The following TMEM273 variants were observed in gnomAD, a reference collection of about 807,000 sequenced individuals.
TMEM273 encodes the protein transmembrane protein 273.
A neutral mutation model predicts 17.9 loss-of-function variants in TMEM273; 19 were observed. The ratio of observed to expected loss-of-function variants is 1.06; its 90% CI spans 0.74 to 1.55. The LOEUF is 1.55. Ranked by LOEUF, TMEM273 falls within the 40% of genes most tolerant of loss-of-function variation. TMEM273 has a pLI of 0.00. For missense variants in TMEM273, 194 were observed against 155.6 expected, an observed-to-expected ratio of 1.25 and a Z score of -1.31; for synonymous variants, 66 against 62.0, an observed-to-expected ratio of 1.07 and a Z score of -0.31.
rs561431694 is a variant in TMEM273 at position 49,170,473 on chromosome 10, T to C, written c.44-2511A>G. Among the ~76,000 whole-genome samples the C allele has an allele frequency of 2.6e-5, 4 of 152,302 alleles. No homozygotes were observed. In the East Asian group the frequency reaches 7.7e-4, roughly 29 times the overall value. On this transcript the variant is annotated intron_variant, in intron 1 of 6. Transcript: ENST00000374153. ...CCAGTCCCTTAGGCACCATCCTCTA[T>C]GTCCCATCCTGTGTCCCCTCCAAGC...
At chr10:49,163,143 G>C (rs372710998) in intron 5 of TMEM273, among the ~76,000 whole-genome samples, 1 of 152,158 alleles carries the variant, frequency 6.6e-6, no homozygotes, top group South Asian at 2.1e-4. Flanking sequence ...GGGGGGAAGG[G>C]AGGGGTGTGA....
At chr10:49,167,440 G>C (rs992906710) in intron 2 of TMEM273, among the ~76,000 whole-genome samples, 1 of 152,248 alleles carries the variant, frequency 6.6e-6, no homozygotes, top group Non-Finnish European at 1.5e-5. Context: ...AGCTGGGGAG[G>C]ACAGGGAAGG....
intron 4 of TMEM273, 126 bp from the exon 5 acceptor site, chr10:49,165,409 A>G (rs1220128054): frequency 6.6e-7 from 1 of 1,516,866 alleles, no homozygotes; most frequent in Admixed American, 2.2e-5. Flanking sequence ...AAGCCCAGAA[A>G]CCTGGGACAA....
chr10:49,186,271 A>T (rs940586279), intron 1 of TMEM273, among the ~76,000 whole-genome samples: 2 of 152,230 alleles, frequency 1.3e-5, no homozygotes, highest in African/African-American at 4.8e-5. Flanking sequence ...TGTTGGAAAT[A>T]CTAAAGCATA....
chr10:49,171,742 G>A (rs541830546), intron 1 of TMEM273, among the ~76,000 whole-genome samples: 1 of 152,148 alleles, frequency 6.6e-6, no homozygotes, highest in African/African-American at 2.4e-5. Context: ...CAGCTCCTGG[G>A]GAGGAAGATG....
chr10:49,186,111 G>GAAT (rs1847701334), intron 1 of TMEM273, among the ~76,000 whole-genome samples: 1 of 141,616 alleles, frequency 7.1e-6, no homozygotes, highest in Non-Finnish European at 1.5e-5. Flanking sequence ...AGAAGAAGAG[G>GAAT]AAGAAGAAGA....
intron 5 of TMEM273, among the ~76,000 whole-genome samples, chr10:49,163,099 C>T (rs1446838151): frequency 6.6e-6 from 1 of 152,034 alleles, no homozygotes; most frequent in Non-Finnish European, 1.5e-5. Flanking sequence ...GCTAGAAGAA[C>T]ACAGAGCTGC....
Position 49,177,867 on chromosome 10 carries a change from G to A in TMEM273, c.44-9905C>T, listed in dbSNP as rs549364301. On this transcript the variant is annotated intron_variant, in intron 1 of 6. Coordinates refer to ENST00000374153, the MANE Select transcript of TMEM273 (RefSeq NM_001288740.3). ...TAAGCATGGGCTGGCCAGGAGCTGG[G>A]ATGGACACCAGTTTACTCAGCCACA... is the stretch of plus-strand genomic sequence containing the variant. 5.3e-5 allele frequency among the ~76,000 whole-genome samples: 8 copies of A among 152,184 alleles called. No homozygotes were observed. In the East Asian group the frequency reaches 1.6e-3, roughly 30 times the overall value.
At chr10:49,166,651 C>T in intron 3 of TMEM273, 1 of 613,478 alleles carries the variant, frequency 1.6e-6, no homozygotes, top group Non-Finnish European at 2.8e-6. Context: ...GAAAAAGGAA[C>T]ACAAATAGAG....
chr10:49,155,821 C>CCTGAG lies in TMEM273; in HGVS notation c.*66_*70dup. On this transcript the variant is annotated 3_prime_UTR_variant, in exon 7 of 7. Coordinates refer to ENST00000374153, the MANE Select transcript of TMEM273 (RefSeq NM_001288740.3). The stretch of plus-strand genomic sequence containing the variant: ...CCTTGGGTGTTTGAATGCAGAACAT[C>CCTGAG]CTGAGATGTTAACCATGGGCTGTTT... 6.2e-7 allele frequency: 1 copy of CCTGAG among 1,612,668 alleles called. No individual in the cohort carries two copies. Among genetic ancestry groups the CCTGAG allele is most frequent in the Non-Finnish European group, 8.5e-7 (1 of 1,179,044 alleles).
chr10:49,164,905 T>G (rs2804932), intron 5 of TMEM273, among the ~76,000 whole-genome samples: 1 of 151,878 alleles, frequency 6.6e-6, no homozygotes, highest in African/African-American at 2.4e-5. Context: ...TGGGGGAGAT[T>G]GTCCTACTTC....
In TMEM273 at chr10:49,174,425, C is replaced by T. The variant is rs544300769; in HGVS notation, c.44-6463G>A. 2.0e-5 allele frequency among the ~76,000 whole-genome samples: 3 copies of T among 152,362 alleles called. No individual in the cohort carries two copies. In the South Asian group the frequency reaches 6.2e-4, roughly 32 times the overall value. On this transcript the variant is annotated intron_variant, in intron 1 of 6. Coordinates refer to ENST00000374153, the MANE Select transcript of TMEM273 (RefSeq NM_001288740.3). Reference sequence around the variant, plus strand: ...CCTTGGCTACACAGTCCTCCTACTTCCAGCATCGCTCGGCTCTTGCCGGAG... The same window carrying T: ...CCTTGGCTACACAGTCCTCCTACTTTCAGCATCGCTCGGCTCTTGCCGGAG...
Position 49,176,658 on chromosome 10 carries a change from A to C in TMEM273, c.44-8696T>G, listed in dbSNP as rs566267505. Reference sequence around the variant, plus strand: ...TCTGGAGTCCTGAGGGACCTGACCGAGGGGAGTGCGCATCCAGGGAGCGGG... The same window carrying C: ...TCTGGAGTCCTGAGGGACCTGACCGCGGGGAGTGCGCATCCAGGGAGCGGG... On this transcript the variant is annotated intron_variant, in intron 1 of 6. Coordinates refer to ENST00000374153, the MANE Select transcript of TMEM273 (RefSeq NM_001288740.3). 5.3e-4 allele frequency among the ~76,000 whole-genome samples: 80 copies of C among 152,226 alleles called. No individual in the cohort carries two copies. The South Asian group carries it at 0.016, about 30-fold the overall frequency.
At chr10:49,182,411 A>C (rs181322417) in intron 1 of TMEM273, among the ~76,000 whole-genome samples, 29 of 151,560 alleles carry the variant, frequency 1.9e-4, no homozygotes, top group African/African-American at 6.5e-4. Context: ...ATTAAGGGAG[A>C]AAAAAAAAGA....
chr10:49,175,590 G>A (rs981082759), intron 1 of TMEM273, among the ~76,000 whole-genome samples: 3 of 152,240 alleles, frequency 2.0e-5, no homozygotes, highest in Admixed American at 6.5e-5. Context: ...CACACAGTGG[G>A]ATTAAAACAC....
intron 6 of TMEM273, among the ~76,000 whole-genome samples, chr10:49,158,695 C>T (rs1272321520): frequency 6.6e-6 from 1 of 152,026 alleles, no homozygotes; most frequent in Non-Finnish European, 1.5e-5. Context: ...CCCTAGTACG[C>T]ACAGAAATTT....
intron 1 of TMEM273, among the ~76,000 whole-genome samples, chr10:49,173,839 A>G (rs1463562362): frequency 6.6e-6 from 1 of 152,172 alleles, no homozygotes; most frequent in Non-Finnish European, 1.5e-5. Flanking sequence ...GGATCCAAGT[A>G]CAGTTCAGCC....
chr10:49,166,163 A>G (rs1846170674), intron 3 of TMEM273, among the ~76,000 whole-genome samples: 5 of 152,132 alleles, frequency 3.3e-5, no homozygotes, highest in Admixed American at 1.3e-4. Context: ...GAAGCACCCC[A>G]TGGAAAACTG....
intron 1 of TMEM273, among the ~76,000 whole-genome samples, chr10:49,180,920 T>C (rs1392310048): frequency 6.6e-6 from 1 of 152,176 alleles, no homozygotes; most frequent in Non-Finnish European, 1.5e-5. Flanking sequence ...CTTGTCAGCC[T>C]AGTAAGATGA....
Sources: allele counts gnomAD v4.1 joint callset (sites outside exome capture counted in the v4.1 genomes callset), GRCh38; gene constraint gnomAD v4.1.1; transcripts MANE v1.5; gene names NCBI Gene and HGNC (gene_info 2026-07-23, HGNC 2026-07-21).